CFAP69: variants seen among roughly 807,000 people sequenced by gnomAD.
CFAP69 encodes cilia- and flagella-associated protein 69.
In CFAP69, 92 loss-of-function variants were observed where a neutral mutation model predicts 123.0. That is an observed-to-expected ratio of 0.75 (90% CI 0.63 to 0.89). CFAP69 has a LOEUF of 0.89. CFAP69 is among the 40% of genes least tolerant of loss of function. The pLI is 0.00. For synonymous variants in CFAP69, 380 were observed against 364.3 expected, an observed-to-expected ratio of 1.04 and a Z score of -0.49; for missense variants, 1,067 against 1,096.9, an observed-to-expected ratio of 0.97 and a Z score of 0.39.
downstream of CFAP69, among the ~76,000 whole-genome samples, chr7:90,313,962 A>G (rs1024542664): frequency 2.0e-5 from 3 of 152,212 alleles, no homozygotes; most frequent in Non-Finnish European, 2.9e-5. Context: ...CACGTCAATG[A>G]CATGTGCCTT....
At chr7:90,303,768 G>C (rs776908674) in intron 17 of CFAP69, 335 of 1,156,832 alleles carry the variant, frequency 2.9e-4, no homozygotes, top group Non-Finnish European at 3.5e-4. Context: ...AAAAATGAAG[G>C]CTCTAAGTTT....
At chr7:90,282,762 TA>T (rs1025742058) in intron 12 of CFAP69, 129 bp from the exon 13 acceptor site, 114 of 659,370 alleles carry the variant, frequency 1.7e-4, no homozygotes, top group South Asian at 2.5e-4. Flanking sequence ...TTTATTTCTC[TA>T]AAAAAAAACT....
chr7:90,262,665 C>T (rs1242143551), intron 4 of CFAP69, among the ~76,000 whole-genome samples: 1 of 151,976 alleles, frequency 6.6e-6, no homozygotes, highest in East Asian at 1.9e-4. Flanking sequence ...ATTAAAATAT[C>T]CATTTTTAGT....
intron 15 of CFAP69, among the ~76,000 whole-genome samples, chr7:90,296,866 A>G (rs1262169568): frequency 6.6e-6 from 1 of 152,208 alleles, no homozygotes; most frequent in Non-Finnish European, 1.5e-5. Context: ...GGGGATCAAT[A>G]GAAAGGAGTA....
chr7:90,272,364 T>C (rs180893745), intron 8 of CFAP69: 1 of 159,660 alleles, frequency 6.3e-6, no homozygotes, highest in African/African-American at 2.4e-5. Context: ...GTCTGCTCTA[T>C]GCCAGCTTCA....
intron 15 of CFAP69, among the ~76,000 whole-genome samples, chr7:90,296,449 TC>T (rs1233697271): frequency 6.6e-6 from 1 of 152,012 alleles, no homozygotes; most frequent in Non-Finnish European, 1.5e-5. Context: ...TGCCTCAGGC[TC>T]CTGAATAACT....
intron 17 of CFAP69, chr7:90,301,332 TA>T (rs201465534): frequency 1.1e-4 from 17 of 152,032 alleles, no homozygotes; most frequent in African/African-American, 1.9e-4. Context: ...CTTTTTTTTT[TA>T]AATTTTATTT....
At chr7:90,271,989 T>C in intron 8 of CFAP69, 31 bp downstream of exon 8, 3 of 1,561,192 alleles carry the variant, frequency 1.9e-6, no homozygotes, top group Non-Finnish European at 2.6e-6. Flanking sequence ...AGGAATGTTC[T>C]TTTAATCTTA....
chr7:90,255,542 A>T (rs565606742), intron 2 of CFAP69, 60 bp downstream of exon 2: 2 of 1,277,582 alleles, frequency 1.6e-6, no homozygotes, highest in South Asian at 2.4e-5. Context: ...TTTCCCTGAA[A>T]GGTAACATAT....
At chr7:90,249,147 G>A (rs1407434936) in intron 1 of CFAP69, among the ~76,000 whole-genome samples, 1 of 152,106 alleles carries the variant, frequency 6.6e-6, no homozygotes, top group Non-Finnish European at 1.5e-5. Context: ...GGACCTGGTG[G>A]GAGGTGATTG....
chr7:90,292,531 C>T (rs1329072213), intron 15 of CFAP69, among the ~76,000 whole-genome samples: 2 of 152,170 alleles, frequency 1.3e-5, no homozygotes, highest in Non-Finnish European at 2.9e-5. Flanking sequence ...TCTTATTATA[C>T]TTCTTGTTGC....
rs748731682 is a variant in CFAP69, at chr7:90,255,481, A to C, written c.179A>C (p.Lys60Thr). ...ATCAAACTCCTCGAAGAGACTGATA[A>C]AGTGAGTAAGCTTTGAGAGAAAATT... ...RVIKLLEETDKDGLEEKQLKF... is the reference protein window; with the variant it reads ...RVIKLLEETDTDGLEEKQLKF... The change falls in exon 2 of 23, where the codon AAA (lysine) becomes ACA (threonine). Residue 60 changes from lysine to threonine, a missense_variant and splice_region_variant. Transcript: ENST00000389297. The C allele has an allele frequency of 1.2e-6, 2 of 1,611,120 alleles. No individual in the cohort carries two copies. Among genetic ancestry groups the C allele is most frequent in the Admixed American group, 3.3e-5 (2 of 59,974 alleles).
chr7:90,314,339 T>A (rs1218525378), downstream of CFAP69, among the ~76,000 whole-genome samples: 1 of 152,078 alleles, frequency 6.6e-6, no homozygotes, highest in African/African-American at 2.4e-5. Flanking sequence ...AGAATAAACA[T>A]GGGGCCAGGC....
chr7:90,258,939 C>T (rs568860847), intron 3 of CFAP69, among the ~76,000 whole-genome samples: 71 of 152,204 alleles, frequency 4.7e-4, no homozygotes, highest in African/African-American at 1.7e-3. Flanking sequence ...GGCAGTTGTA[C>T]CTTTGATAAG....
chr7:90,288,253 G>A lies in CFAP69; in HGVS notation c.1676G>A (p.Gly559Glu), dbSNP rs975473625. Residue 559 changes from glycine to glutamate, a missense_variant, in exon 15 of 23, where the codon GGA becomes GAA. Physicochemically the swap from Gly to Glu is moderately conservative, Grantham distance 98. Coordinates refer to ENST00000389297, the MANE Select transcript of CFAP69 (RefSeq NM_001039706.3). ...IQRKEIFGTE[G>E]VDIVLHVMKT... ...AAACAGGAAATTTTCGGAACTGAAGGAGTAGATATCGTTCTTCATGTGATG... is the reference window on the plus strand; with the variant it reads ...AAACAGGAAATTTTCGGAACTGAAGAAGTAGATATCGTTCTTCATGTGATG... The A allele has an allele frequency of 6.2e-6, 10 of 1,608,814 alleles. No homozygotes were observed. Among genetic ancestry groups the A allele is most frequent in the African/African-American group, 2.7e-5 (2 of 74,762 alleles).
the CFAP69 span, chr7:90,317,214 A>G: frequency 3.9e-5 from 6 of 152,194 alleles, no homozygotes; most frequent in Non-Finnish European, 8.8e-5. Context: ...TGTCACATAA[A>G]TGTGACTCCT....
At chr7:90,263,248 T>C (rs549718516) in intron 4 of CFAP69, among the ~76,000 whole-genome samples, 2 of 152,322 alleles carry the variant, frequency 1.3e-5, no homozygotes, top group African/African-American at 4.8e-5. Flanking sequence ...ATTTCATAAT[T>C]ATTCACATTG....
intron 4 of CFAP69, 112 bp downstream of exon 4, chr7:90,262,168 G>T: frequency 1.6e-6 from 1 of 634,198 alleles, no homozygotes; most frequent in South Asian, 2.2e-5. Context: ...ACAGAACTCA[G>T]AAAACTTCAG....
chr7:90,277,158 C>T, intron 10 of CFAP69, 37 bp downstream of exon 10: 1 of 1,570,784 alleles, frequency 6.4e-7, no homozygotes, highest in Non-Finnish European at 8.6e-7. Flanking sequence ...TTATAATTAT[C>T]TTGATAAGTC....
Sources: gnomAD v4.1 joint callset for allele counts (sites outside exome capture counted in the v4.1 genomes callset) on GRCh38, gnomAD v4.1.1 for gene constraint, MANE v1.5 for transcripts, NCBI Gene and HGNC (gene_info 2026-07-23, HGNC 2026-07-21) for gene names.